Variants in USP7 observed in about 807,000 individuals in gnomAD.
The protein encoded by USP7 is ubiquitin specific peptidase 7.
In USP7, 9 loss-of-function variants were observed where a neutral mutation model predicts 162.9. That is an observed-to-expected ratio of 0.06 (90% CI 0.03 to 0.10). The LOEUF is 0.10. Ranked by LOEUF, USP7 falls within the 10% of genes least tolerant of loss-of-function variation. The pLI is 1.00. For missense variants in USP7, 715 were observed against 1,373.7 expected (o/e 0.52, Z 7.58); for synonymous variants, 562 against 475.9 (o/e 1.18, Z -2.35).
Position 8,915,713 on chromosome 16 carries a change from C to A in USP7, c.907-188G>T, listed in dbSNP as rs916137548. Among the ~76,000 whole-genome samples the A allele has an allele frequency of 1.4e-4, 21 of 152,222 alleles. 1 individual carries two copies. The highest frequency in any genetic ancestry group is 2.6e-4 in the Admixed American group (4 of 15,284). Reference sequence around the variant, plus strand: ...GGTTGGATTTTTACAAACATCTCTACATGCAACAGTTGAGGTTAACCTTTT... The same window carrying A: ...GGTTGGATTTTTACAAACATCTCTAAATGCAACAGTTGAGGTTAACCTTTT... On this transcript the variant is annotated intron_variant, in intron 8 of 30. Transcript: ENST00000344836.
At position 8,892,704 on chromosome 16, in the gene USP7, C is replaced by G. The variant is rs1370598541; in HGVS notation, c.*1294G>C. 1 of 151,784 alleles carries G rather than the reference C, an allele frequency of 6.6e-6. No individual in the cohort carries two copies. The highest frequency in any genetic ancestry group is 6.6e-5 in the Admixed American group (1 of 15,246). The allele number at this position is 151,784 out of a possible 1,614,324, so 9.4% of individuals were successfully genotyped here. A position where few individuals can be genotyped will look rare whatever the true frequency, so the allele number is the denominator to read the frequency against. ...TCTCAGTGAAACCTTGTTACAAATG[C>G]CAAGGTTTCCCAGGCCTGTTTCCAG... On this transcript the variant is annotated 3_prime_UTR_variant, in exon 31 of 31. Transcript: ENST00000344836.
At chr16:8,911,579 G>A (rs1446027548) in intron 10 of USP7, among the ~76,000 whole-genome samples, 1 of 152,220 alleles carries the variant, frequency 6.6e-6, no homozygotes, top group African/African-American at 2.4e-5. Context: ...ACAGGACAGG[G>A]ATCCCTGAAG....
At chr16:8,951,705 C>T (rs1899561029) in intron 1 of USP7, among the ~76,000 whole-genome samples, 1 of 152,228 alleles carries the variant, frequency 6.6e-6, no homozygotes, top group Non-Finnish European at 1.5e-5. Context: ...CCCTCGCAGA[C>T]AAGACTCAGG....
chr16:8,896,409 T>G (rs1265945989), intron 26 of USP7, among the ~76,000 whole-genome samples: 1 of 152,178 alleles, frequency 6.6e-6, no homozygotes, highest in Non-Finnish European at 1.5e-5. Flanking sequence ...GTTTAATAAT[T>G]GTTTTATTAA....
intron 18 of USP7, among the ~76,000 whole-genome samples, chr16:8,901,701 A>G (rs1240728237): frequency 6.6e-6 from 1 of 152,056 alleles, no homozygotes; most frequent in East Asian, 1.9e-4. Context: ...CAGCTCGTTC[A>G]TTTATATAGT....
Position 8,894,606 on chromosome 16 carries a change from T to C in USP7, c.3146A>G (p.Gln1049Arg). The C allele has an allele frequency of 6.2e-7, 1 of 1,613,962 alleles. No individual in the cohort carries two copies. Among genetic ancestry groups the C allele is most frequent in the Admixed American group, 1.7e-5 (1 of 60,022 alleles). The change falls in exon 30 of 31, where the codon CAG becomes CGG. Residue 1049 changes from glutamine to arginine, a missense_variant. Transcript: ENST00000344836. Reference sequence around the variant, plus strand: ...TTCATACTCGTCTTCATTTATGTACTGGTGTCGGCCCATCATTACAATTGC... The same window carrying C: ...TTCATACTCGTCTTCATTTATGTACCGGTGTCGGCCCATCATTACAATTGC... ...KFAIVMMGRH[Q>R]YINEDEYEVN...
intron 25 of USP7, 35 bp downstream of exon 25, chr16:8,898,325 T>C: frequency 6.6e-7 from 1 of 1,511,392 alleles, no homozygotes; most frequent in Non-Finnish European, 9.1e-7. Flanking sequence ...CAAGTTCCAA[T>C]AAAAATTAAA....
chr16:8,949,741 C>A (rs960358061), intron 1 of USP7: 7 of 152,300 alleles, frequency 4.6e-5, no homozygotes, highest in Admixed American at 3.3e-4. Context: ...TGAACCCATG[C>A]TGGCTTTCCT....
At chr16:8,900,780 A>C in intron 20 of USP7, 150 bp from the exon 21 acceptor site, 1 of 727,118 alleles carries the variant, frequency 1.4e-6, no homozygotes, top group South Asian at 2.0e-5. Flanking sequence ...TAAATGAATA[A>C]ATCCACAAAT....
chr16:8,899,001 C>T, intron 23 of USP7, 120 bp downstream of exon 23: 1 of 1,074,648 alleles, frequency 9.3e-7, no homozygotes, highest in Non-Finnish European at 1.4e-6. Context: ...TGAAACTAAG[C>T]AAGAAATGGA....
intron 29 of USP7, 70 bp from the exon 30 acceptor site, chr16:8,894,710 A>G (rs1567203635): frequency 1.2e-6 from 2 of 1,612,628 alleles, no homozygotes; most frequent in East Asian, 2.2e-5. Context: ...TCTGGCAAAA[A>G]AGCCTAGGCC....
rs539823636 is a variant in USP7 at position 8,916,000 on chromosome 16, T to TTG, written c.907-477_907-476dup. 7.2e-3 allele frequency among the ~76,000 whole-genome samples: 1,097 copies of TTG among 152,248 alleles called. 13 individuals are homozygous for TTG. Among genetic ancestry groups the TTG allele is most frequent in the African/African-American group, 0.025 (1,050 of 41,542 alleles). ...AATCACCTTGAACAGCCATTTCATG[T>TTG]TGTGTGTGTGTGCTTCTGCGTCTTT... is the stretch of plus-strand genomic sequence containing the variant. On this transcript the variant is annotated intron_variant, in intron 8 of 30. Coordinates refer to ENST00000344836, the MANE Select transcript of USP7 (RefSeq NM_003470.3).
chr16:8,929,866 A>G (rs1237994934), intron 2 of USP7, among the ~76,000 whole-genome samples: 1 of 152,170 alleles, frequency 6.6e-6, no homozygotes, highest in Non-Finnish European at 1.5e-5. Flanking sequence ...CCCTAACAGG[A>G]GCGGGGAGGG....
chr16:8,938,442 G>A lies in USP7; in HGVS notation c.80-8045C>T, dbSNP rs555209521. On this transcript the variant is annotated intron_variant, in intron 1 of 30. Coordinates refer to ENST00000344836, the MANE Select transcript of USP7 (RefSeq NM_003470.3). ...AAAAACACTCAGGGGGCCGGGCACG[G>A]TGGCTTACACCTGTAATCCCAGCAC... 1.1e-4 allele frequency among the ~76,000 whole-genome samples: 17 copies of A among 152,236 alleles called. No individual in the cohort carries two copies. In the South Asian group the frequency reaches 3.3e-3, roughly 30 times the overall value.
At chr16:8,911,940 C>CA (rs1211155073) in intron 10 of USP7, among the ~76,000 whole-genome samples, 4 of 152,186 alleles carry the variant, frequency 2.6e-5, no homozygotes, top group Admixed American at 2.6e-4. Context: ...AACCGCTGAA[C>CA]ACCTGGGAGA....
rs565312158 is a variant in USP7, at chr16:8,941,791, C to A, written c.80-11394G>T. On this transcript the variant is annotated intron_variant, in intron 1 of 30. Coordinates refer to ENST00000344836, the MANE Select transcript of USP7 (RefSeq NM_003470.3). Reference sequence around the variant, plus strand: ...CAGGTGTGAGACCACCGGCCAGCCACTGACCCTTCCAAGCCTCCGTCTCTG... The same window carrying A: ...CAGGTGTGAGACCACCGGCCAGCCAATGACCCTTCCAAGCCTCCGTCTCTG... Among the ~76,000 whole-genome samples the A allele has an allele frequency of 5.9e-5, 9 of 152,312 alleles. No individual in the cohort carries two copies. In the South Asian group the frequency reaches 1.7e-3, roughly 28 times the overall value.
intron 7 of USP7, 37 bp from the exon 8 acceptor site, chr16:8,916,593 C>G: frequency 6.4e-7 from 1 of 1,559,616 alleles, no homozygotes; most frequent in Non-Finnish European, 8.7e-7. Context: ...ATTTAAAGCT[C>G]AACTTTCAAA....
chr16:8,910,880 G>C (rs1251071321), intron 10 of USP7, 53 bp from the exon 11 acceptor site: 2 of 1,414,892 alleles, frequency 1.4e-6, no homozygotes, highest in African/African-American at 1.4e-5. Flanking sequence ...TTATAATGTA[G>C]CCAACACAGG....
rs764893136 is a variant in USP7 at position 8,893,962 on chromosome 16, C to A, written c.*36G>T. On this transcript the variant is annotated 3_prime_UTR_variant, in exon 31 of 31. Coordinates refer to ENST00000344836, the MANE Select transcript of USP7 (RefSeq NM_003470.3). Reference sequence around the variant, plus strand: ...TTCTAGGCTGTTAAGGGGCCACCCACACACCGTCCTCGCCTTGAACACACC... The same window carrying A: ...TTCTAGGCTGTTAAGGGGCCACCCAAACACCGTCCTCGCCTTGAACACACC... The A allele has an allele frequency of 1.9e-6, 3 of 1,602,470 alleles. No individual in the cohort carries two copies. Among genetic ancestry groups the A allele is most frequent in the South Asian group, 2.2e-5 (2 of 90,834 alleles).
Sources: allele counts gnomAD v4.1 joint callset (sites outside exome capture counted in the v4.1 genomes callset), GRCh38; gene constraint gnomAD v4.1.1; transcripts MANE v1.5; gene names NCBI Gene and HGNC (gene_info 2026-07-23, HGNC 2026-07-21).